The following DACH2 variants were observed in gnomAD, a reference collection of about 807,000 sequenced individuals.
The protein encoded by DACH2 is dachshund family transcription factor 2, also known as dachshund homolog 2.
Under a neutral mutation model 35.8 loss-of-function variants are expected in DACH2, and 17 were observed. That is an observed-to-expected ratio of 0.48 (90% CI 0.33 to 0.71). The LOEUF is 0.71. Among genes scored for constraint, DACH2 ranks in the 30% least tolerant of loss-of-function variants. DACH2 has a pLI of 0.02. For missense variants in DACH2, 469 were observed against 472.7 expected, an observed-to-expected ratio of 0.99 and a Z score of 0.07; for synonymous variants, 195 against 177.3, an observed-to-expected ratio of 1.10 and a Z score of -0.79.
At chrX:86,304,710 C>T (rs2034643907) in intron 1 of DACH2, 2 of 167,050 alleles carry the variant, frequency 1.2e-5, no homozygotes, top group Non-Finnish European at 2.6e-5. Flanking sequence ...CAAGCTTAGC[C>T]TAAAGAGGAG....
At chrX:86,367,711 T>A (rs2035826455) in intron 1 of DACH2, among the ~76,000 whole-genome samples, 1 of 111,469 alleles carries the variant, frequency 9.0e-6, no homozygotes, top group Non-Finnish European at 1.9e-5. Flanking sequence ...ATACCCAAGT[T>A]TCCTTATGCC....
rs73512622 is a variant in DACH2 at position 86,791,011 on chromosome X, C to A, written c.1241-21845C>A. 1.9e-3 allele frequency among the ~76,000 whole-genome samples: 215 copies of A among 111,357 alleles called. 1 individual carries two copies. The highest frequency in any genetic ancestry group is 6.9e-3 in the African/African-American group (213 of 30,707). On this transcript the variant is annotated intron_variant, in intron 7 of 11. Coordinates refer to ENST00000373125, the MANE Select transcript of DACH2 (RefSeq NM_053281.3). ...CTAGAAAAAAGAAAATGTTATTAAG[C>A]AAATTATAAGGAACAGAGGATATAT...
At chrX:86,194,511 C>A (rs988144975) in intron 1 of DACH2, among the ~76,000 whole-genome samples, 5 of 111,724 alleles carry the variant, frequency 4.5e-5, no homozygotes, top group African/African-American at 1.6e-4. Context: ...AACCTGGAAA[C>A]CCTGCACCAG....
chrX:86,645,315 A>C (rs1167130820), intron 3 of DACH2, among the ~76,000 whole-genome samples: 1 of 111,321 alleles, frequency 9.0e-6, no homozygotes, highest in African/African-American at 3.3e-5. Context: ...TGAAAAAACA[A>C]CTCTATATCA....
At chrX:86,468,964 G>A (rs773565374) in intron 2 of DACH2, among the ~76,000 whole-genome samples, 1 of 111,650 alleles carries the variant, frequency 9.0e-6, no homozygotes, top group South Asian at 3.7e-4. Context: ...GTGTCTATAA[G>A]TGGATTAATG....
At chrX:86,824,969 A>C (rs1188406389) in intron 11 of DACH2, among the ~76,000 whole-genome samples, 1 of 112,259 alleles carries the variant, frequency 8.9e-6, no homozygotes, top group Non-Finnish European at 1.9e-5. Flanking sequence ...ATTTGTTTAA[A>C]ATCGAGTATT....
chrX:86,189,551 G>A (rs924839893), intron 1 of DACH2, among the ~76,000 whole-genome samples: 1 of 111,597 alleles, frequency 9.0e-6, no homozygotes, highest in Admixed American at 9.6e-5. Flanking sequence ...GTTATATAAA[G>A]TAGCGTGTTT....
At chrX:86,708,914 A>G (rs763433067) in intron 5 of DACH2, among the ~76,000 whole-genome samples, 6 of 111,660 alleles carry the variant, frequency 5.4e-5, no homozygotes. Context: ...GAATATATAA[A>G]TAAATGGAGA....
At chrX:86,336,797 C>A (rs1482686025) in intron 1 of DACH2, among the ~76,000 whole-genome samples, 1 of 109,810 alleles carries the variant, frequency 9.1e-6, no homozygotes, top group African/African-American at 3.3e-5. Flanking sequence ...GGAGCATGTT[C>A]TAACCCAATG....
At chrX:86,799,006 A>G (rs761405764) in intron 7 of DACH2, 31 of 237,387 alleles carry the variant, frequency 1.3e-4, no homozygotes, top group African/African-American at 8.7e-4. Flanking sequence ...TACTGAGCAA[A>G]TTCTCCCAAG....
At chrX:86,366,263 T>C (rs1182506450) in intron 1 of DACH2, among the ~76,000 whole-genome samples, 3 of 110,787 alleles carry the variant, frequency 2.7e-5, no homozygotes, top group East Asian at 2.9e-4. Context: ...TAGATGAAAA[T>C]GTACATATAG....
chrX:86,538,700 A>G (rs894184810), intron 3 of DACH2, among the ~76,000 whole-genome samples: 6 of 111,087 alleles, frequency 5.4e-5, no homozygotes, highest in Non-Finnish European at 1.1e-4. Flanking sequence ...GTATTTTTCA[A>G]TTCATGTGGG....
intron 4 of DACH2, among the ~76,000 whole-genome samples, chrX:86,679,616 CTGTGTGTGTGTGTGTGTG>C (rs67988965): frequency 9.3e-5 from 9 of 96,282 alleles, no homozygotes; most frequent in African/African-American, 1.9e-4. Flanking sequence ...CTCTCTGTCT[CTGTGTGTGTGTGTGTGTG>C]TGTGTGTGTG....
At chrX:86,315,840 C>CACACAGAGAGAG (rs1556024046) in intron 1 of DACH2, among the ~76,000 whole-genome samples, 7 of 77,868 alleles carry the variant, frequency 9.0e-5, no homozygotes, top group Admixed American at 8.1e-4. Flanking sequence ...CACACACACA[C>CACACAGAGAGAG]AGAGAGAGAG....
chrX:86,629,965 T>G (rs1281599729), intron 3 of DACH2, among the ~76,000 whole-genome samples: 1 of 111,599 alleles, frequency 9.0e-6, no homozygotes, highest in Non-Finnish European at 1.9e-5. Flanking sequence ...CAGATGAACT[T>G]TATATAAATT....
At chrX:86,572,856 G>A (rs938150291) in intron 3 of DACH2, among the ~76,000 whole-genome samples, 1 of 111,049 alleles carries the variant, frequency 9.0e-6, no homozygotes, top group African/African-American at 3.3e-5. Context: ...TTCAGCAAAA[G>A]CTTTAGTGAT....
intron 1 of DACH2, among the ~76,000 whole-genome samples, chrX:86,282,624 A>C (rs2034054666): frequency 9.0e-6 from 1 of 111,499 alleles, no homozygotes; most frequent in Non-Finnish European, 1.9e-5. Flanking sequence ...TAGAGTGAAC[A>C]GGCAACCTAC....
intron 1 of DACH2, chrX:86,305,112 G>T: frequency 7.0e-6 from 1 of 143,070 alleles, no homozygotes; most frequent in East Asian, 2.0e-4. Flanking sequence ...AGGGACCCCT[G>T]AGAGTGCTTT....
chrX:86,781,330 G>A (rs149440109), intron 7 of DACH2, among the ~76,000 whole-genome samples: 44 of 111,332 alleles, frequency 4.0e-4, no homozygotes, highest in African/African-American at 1.3e-3. Flanking sequence ...TCATCACTTT[G>A]TCCACTTAAG....
Sources: allele counts gnomAD v4.1 joint callset (sites outside exome capture counted in the v4.1 genomes callset), GRCh38; gene constraint gnomAD v4.1.1; transcripts MANE v1.5; gene names NCBI Gene and HGNC (gene_info 2026-07-23, HGNC 2026-07-21).